NHSL1: variants seen among roughly 807,000 people sequenced by gnomAD.
NHSL1 encodes NHS like 1, also known as NHS-like protein 1.
In NHSL1, 48 loss-of-function variants were observed where a neutral mutation model predicts 95.0. The ratio of observed to expected loss-of-function variants is 0.51; its 90% CI spans 0.40 to 0.64. The LOEUF is 0.64. Among genes scored for constraint, NHSL1 ranks in the 30% least tolerant of loss-of-function variants. The pLI is 0.00. For synonymous variants in NHSL1, 783 were observed against 833.9 expected, an observed-to-expected ratio of 0.94 and a Z score of 1.05; for missense variants, 1,971 against 2,077.7, an observed-to-expected ratio of 0.95 and a Z score of 1.00.
At chr6:138,446,877 G>T in intron 4 of NHSL1, 124 bp downstream of exon 4, 1 of 811,086 alleles carries the variant, frequency 1.2e-6, no homozygotes, top group Non-Finnish European at 2.0e-6. Context: ...ATTAAACAAA[G>T]AGCATGAAGT....
intron 2 of NHSL1, among the ~76,000 whole-genome samples, chr6:138,478,485 G>T (rs1779227272): frequency 6.6e-6 from 1 of 151,928 alleles, no homozygotes; most frequent in African/African-American, 2.4e-5. Flanking sequence ...TTCTCCTCTT[G>T]TCAAGTTGCA....
intron 1 of NHSL1, among the ~76,000 whole-genome samples, chr6:138,579,580 G>A (rs903880869): frequency 2.0e-5 from 3 of 152,146 alleles, no homozygotes; most frequent in Admixed American, 2.0e-4. Context: ...TTCCATCCAC[G>A]AGAACTTCAG....
At chr6:138,620,172 A>G (rs1006908418) in intron 1 of NHSL1, among the ~76,000 whole-genome samples, 1 of 152,222 alleles carries the variant, frequency 6.6e-6, no homozygotes, top group African/African-American at 2.4e-5. Context: ...AGAGCTTGAA[A>G]GAAAATCTGC....
chr6:138,645,863 T>C (rs2114695071), intron 1 of NHSL1, among the ~76,000 whole-genome samples: 1 of 152,326 alleles, frequency 6.6e-6, no homozygotes, highest in African/African-American at 2.4e-5. Context: ...TTGGTCTTTT[T>C]GTTCACTGAA....
chr6:138,579,321 C>T (rs1208762330), intron 1 of NHSL1, among the ~76,000 whole-genome samples: 3 of 152,172 alleles, frequency 2.0e-5, no homozygotes, highest in Non-Finnish European at 4.4e-5. Context: ...TCCATGTTAC[C>T]TTTTTATTTT....
intron 1 of NHSL1, among the ~76,000 whole-genome samples, chr6:138,678,550 G>A (rs1785475924): frequency 6.6e-6 from 1 of 152,158 alleles, no homozygotes; most frequent in South Asian, 2.1e-4. Flanking sequence ...AAATTAAAAT[G>A]AATTTAAAAG....
intron 1 of NHSL1, among the ~76,000 whole-genome samples, chr6:138,537,671 T>C (rs1023793764): frequency 4.6e-5 from 7 of 152,228 alleles, no homozygotes. Flanking sequence ...TAAGATGATA[T>C]GATTAACGGA....
At chr6:138,458,242 C>T (rs1777749468) in intron 3 of NHSL1, among the ~76,000 whole-genome samples, 1 of 152,154 alleles carries the variant, frequency 6.6e-6, no homozygotes, top group African/African-American at 2.4e-5. Context: ...TACTGGTTTG[C>T]ACATTCAGCT....
intron 1 of NHSL1, among the ~76,000 whole-genome samples, chr6:138,678,670 C>A (rs1368087730): frequency 6.6e-6 from 1 of 152,130 alleles, no homozygotes; most frequent in Admixed American, 6.5e-5. Context: ...TATCACTGAC[C>A]AGCTGTGTGA....
At chr6:138,495,858 CAA>C (rs1369493935) in intron 2 of NHSL1, among the ~76,000 whole-genome samples, 2 of 152,146 alleles carry the variant, frequency 1.3e-5, no homozygotes, top group Non-Finnish European at 2.9e-5. Context: ...TGGCGGCAGA[CAA>C]GAGAGAATTG....
chr6:138,488,759 G>A (rs1261287664), intron 2 of NHSL1, among the ~76,000 whole-genome samples: 1 of 152,194 alleles, frequency 6.6e-6, no homozygotes, highest in Non-Finnish European at 1.5e-5. Context: ...GGTGAGCTTT[G>A]TCCCTGTGAA....
intron 1 of NHSL1, among the ~76,000 whole-genome samples, chr6:138,521,316 A>G (rs980640334): frequency 6.6e-6 from 1 of 152,128 alleles, no homozygotes; most frequent in Non-Finnish European, 1.5e-5. Context: ...AAATAAAAAA[A>G]TTCACTGGGA....
chr6:138,692,781 C>T (rs1785700085), upstream of NHSL1, among the ~76,000 whole-genome samples: 2 of 150,662 alleles, frequency 1.3e-5, no homozygotes, highest in African/African-American at 4.8e-5. This position sits in a 1 kb window ranked among gnomAD's most constrained non-coding sequence, Gnocchi z 4.0. Context: ...GGCGGGCCGG[C>T]GGCGCGGGAT....
intron 3 of NHSL1, among the ~76,000 whole-genome samples, chr6:138,467,149 T>C (rs1178399886): frequency 6.6e-6 from 1 of 151,746 alleles, no homozygotes; most frequent in Non-Finnish European, 1.5e-5. Flanking sequence ...TATTTTATTT[T>C]ATTTTATATA....
chr6:138,534,880 C>T (rs571934661), intron 1 of NHSL1, among the ~76,000 whole-genome samples: 2 of 152,280 alleles, frequency 1.3e-5, no homozygotes, highest in South Asian at 4.1e-4. Flanking sequence ...GACTGTAGTT[C>T]GGCAGGGAAA....
chr6:138,458,733 G>C lies in NHSL1; in HGVS notation c.340-11540C>G, dbSNP rs549166871. ...CCCAGCTACTCGGGAGGCTGAGCCA[G>C]GAGAATCGCTTGAACCTGGGAGGTA... On this transcript the variant is annotated intron_variant, in intron 3 of 7. Coordinates refer to ENST00000343505, the MANE Select transcript of NHSL1 (RefSeq NM_001144060.2). Among the ~76,000 whole-genome samples the C allele has an allele frequency of 2.6e-5, 4 of 151,332 alleles. No individual in the cohort carries two copies. The South Asian group carries it at 8.3e-4, about 32-fold the overall frequency.
At chr6:138,537,358 G>C (rs975497486) in intron 1 of NHSL1, among the ~76,000 whole-genome samples, 3 of 152,132 alleles carry the variant, frequency 2.0e-5, no homozygotes, top group African/African-American at 7.2e-5. Context: ...TTATTCATCT[G>C]GATGTATTTA....
intron 1 of NHSL1, among the ~76,000 whole-genome samples, chr6:138,602,687 T>C (rs544928738): frequency 1.1e-4 from 16 of 152,334 alleles, no homozygotes; most frequent in African/African-American, 3.8e-4. Flanking sequence ...ATGCAAATTT[T>C]GTTAGATTTA....
chr6:138,516,932 G>A (rs138533581), intron 1 of NHSL1, among the ~76,000 whole-genome samples: 2 of 152,252 alleles, frequency 1.3e-5, no homozygotes, highest in East Asian at 1.9e-4. Context: ...ACTGCATCCA[G>A]GCAACATGAA....
Sources: allele counts gnomAD v4.1 joint callset (sites outside exome capture counted in the v4.1 genomes callset), GRCh38; gene constraint gnomAD v4.1.1; non-coding constraint Gnocchi (gnomAD v3.1); transcripts MANE v1.5; gene names NCBI Gene and HGNC (gene_info 2026-07-23, HGNC 2026-07-21).